Variants in CHPF2 observed in about 807,000 individuals in gnomAD.
CHPF2 encodes the protein chondroitin polymerizing factor 2, also known as chondroitin polymerizing factor 2, non-catalytic subunit.
CHPF2 carries 58 observed loss-of-function variants against 63.0 expected under a neutral mutation model. The ratio of observed to expected loss-of-function variants is 0.92; its 90% CI spans 0.75 to 1.15. The LOEUF is 1.15. Ranked by LOEUF, CHPF2 falls within the 50% of genes most tolerant of loss-of-function variation. The pLI is 0.00. For missense variants in CHPF2, 1,045 were observed against 1,035.4 expected, an observed-to-expected ratio of 1.01 and a Z score of -0.13; for synonymous variants, 442 against 438.0, an observed-to-expected ratio of 1.01 and a Z score of -0.11.
Position 151,236,512 on chromosome 7 carries a change from T to C in CHPF2, c.933T>C (p.Gly311=), listed in dbSNP as rs1019942431. The stretch of plus-strand genomic sequence containing the variant: ...TCGCCGTGCACCCTGTCTCCGAAGG[T>C]ACCCTCATGTACCGGCTCCACAAAC... ...SAFAVHPVSE[G]TLMYRLHKRF... is the part of the protein sequence containing the mutation. Residue 311 remains glycine, a synonymous_variant, in exon 3 of 4, where the codon GGT becomes GGC. Coordinates refer to ENST00000035307, the MANE Select transcript of CHPF2 (RefSeq NM_019015.3). 6.2e-7 allele frequency: 1 copy of C among 1,610,458 alleles called. No homozygotes were observed. The highest frequency in any genetic ancestry group is 8.5e-7 in the Non-Finnish European group (1 of 1,177,160).
At position 151,233,611 on chromosome 7, in the gene CHPF2, C is replaced by G; in HGVS notation, c.-401C>G. The G allele has an allele frequency of 4.0e-6, 4 of 994,108 alleles. No individual in the cohort carries two copies. The highest frequency in any genetic ancestry group is 4.8e-6 in the Non-Finnish European group (4 of 836,078). 61.6% of individuals were successfully genotyped at this position (994,108 alleles called of 1,614,324 possible). On this transcript the variant is annotated 5_prime_UTR_variant, in exon 1 of 4. Coordinates refer to ENST00000035307, the MANE Select transcript of CHPF2 (RefSeq NM_019015.3). ...TGTGCTTTTCCCTTACCTCTTATCACTTGCTGTCATCTGTTGACTTAGGCC... is the reference window on the plus strand; with the variant it reads ...TGTGCTTTTCCCTTACCTCTTATCAGTTGCTGTCATCTGTTGACTTAGGCC...
chr7:151,232,794 G>C lies in CHPF2; in HGVS notation c.-1218G>C. 6.7e-7 allele frequency: 1 copy of C among 1,501,436 alleles called. No individual in the cohort carries two copies. 93.0% of individuals were successfully genotyped at this position (1,501,436 alleles called of 1,614,324 possible). Reference sequence around the variant, plus strand: ...TGTCTCTGGCGCGGCCTCCGCTCCCGCCGACTGGCCTGAGAACGAGGTCTG... The same window carrying C: ...TGTCTCTGGCGCGGCCTCCGCTCCCCCCGACTGGCCTGAGAACGAGGTCTG... On this transcript the variant is annotated 5_prime_UTR_variant, in exon 1 of 4. Transcript: ENST00000035307.
Position 151,237,942 on chromosome 7 carries a change from T to G in CHPF2, c.1580T>G (p.Leu527Arg). Reference sequence around the variant, plus strand: ...GAACATGCATTGCTCACCCTGTTGCTGGTCTACGGGCCACGAGAAGGTGGC... The same window carrying G: ...GAACATGCATTGCTCACCCTGTTGCGGGTCTACGGGCCACGAGAAGGTGGC... ...PREHALLTLL[L>R]VYGPREGGRG... is the part of the protein sequence containing the mutation. The change falls in exon 4 of 4, where the codon CTG (leucine) becomes CGG (arginine). Residue 527 changes from leucine (L) to arginine (R), a missense_variant. Physicochemically the swap from Leu to Arg is moderately radical, Grantham distance 102. Coordinates refer to ENST00000035307, the MANE Select transcript of CHPF2 (RefSeq NM_019015.3). 1 of 1,613,112 alleles carries G rather than the reference T, an allele frequency of 6.2e-7. No individual in the cohort carries two copies. The highest frequency in any genetic ancestry group is 8.5e-7 in the Non-Finnish European group (1 of 1,180,034).
At position 151,238,735 on chromosome 7, in the gene CHPF2, G is replaced by A; in HGVS notation, c.*54G>A. On this transcript the variant is annotated 3_prime_UTR_variant, in exon 4 of 4. Coordinates refer to ENST00000035307, the MANE Select transcript of CHPF2 (RefSeq NM_019015.3). ...TTTCCTTTGTCTGCCTCAGCCCCAG[G>A]AAGGGCAAGGCAAGATGGTGGACAG... The A allele has an allele frequency of 6.2e-7, 1 of 1,601,442 alleles. No individual in the cohort carries two copies. Among genetic ancestry groups the A allele is most frequent in the South Asian group, 1.1e-5 (1 of 89,454 alleles).
rs367585688 is a variant in CHPF2 at position 151,237,511 on chromosome 7, C to T, written c.1149C>T (p.Thr383=). ...GGGACTACTTCACAGAGCAGCACAC[C>T]TTCTCCTGTGCAGATGGGGCTCCCA... ...LGWDYFTEQH[T]FSCADGAPKC... The change falls in exon 4 of 4, where the codon ACC becomes ACT. Residue 383 remains threonine (T), a synonymous_variant. Coordinates refer to ENST00000035307, the MANE Select transcript of CHPF2 (RefSeq NM_019015.3). 49 of 1,613,854 alleles carry T rather than the reference C, an allele frequency of 3.0e-5. No individual in the cohort carries two copies. The Admixed American group carries it at 3.3e-4, about 11-fold the overall frequency.
In CHPF2 at chr7:151,233,615, C is replaced by T; in HGVS notation, c.-397C>T. Reference sequence around the variant, plus strand: ...CTTTTCCCTTACCTCTTATCACTTGCTGTCATCTGTTGACTTAGGCCCAGT... The same window carrying T: ...CTTTTCCCTTACCTCTTATCACTTGTTGTCATCTGTTGACTTAGGCCCAGT... On this transcript the variant is annotated 5_prime_UTR_variant, in exon 1 of 4. Coordinates refer to ENST00000035307, the MANE Select transcript of CHPF2 (RefSeq NM_019015.3). 1 of 995,774 alleles carries T rather than the reference C, an allele frequency of 1.0e-6. No homozygotes were observed. Among genetic ancestry groups the T allele is most frequent in the Non-Finnish European group, 1.2e-6 (1 of 837,222 alleles). 61.7% of individuals were successfully genotyped at this position (995,774 alleles called of 1,614,324 possible).
chr7:151,237,872 C>T lies in CHPF2; in HGVS notation c.1510C>T (p.Pro504Ser). The T allele has an allele frequency of 6.2e-7, 1 of 1,612,746 alleles. No homozygotes were observed. The highest frequency in any genetic ancestry group is 1.1e-5 in the South Asian group (1 of 91,086). ...PLLVAEAAAAPAFLEAFAANV... is the reference protein window; with the variant it reads ...PLLVAEAAAASAFLEAFAANV... Reference sequence around the variant, plus strand: ...CCTGGTGGCTGAAGCTGCTGCAGCCCCGGCTTTCCTCGAGGCCTTTGCAGC... The same window carrying T: ...CCTGGTGGCTGAAGCTGCTGCAGCCTCGGCTTTCCTCGAGGCCTTTGCAGC... The change falls in exon 4 of 4, where the codon CCG becomes TCG. Residue 504 changes from proline to serine, a missense_variant. Transcript: ENST00000035307.
In CHPF2 at chr7:151,235,509, A is replaced by G; in HGVS notation, c.725A>G (p.His242Arg). ...SRSLLLRLRP[H>R]LDGCRGDILS... is the part of the protein sequence containing the mutation. ...AGTCTCCTGCTTCGTCTGCGGCCAC[A>G]TCTGGATGGCTGCCGAGGAGACATT... Residue 242 changes from histidine to arginine, a missense_variant, in exon 2 of 4, where the codon CAT becomes CGT. Coordinates refer to ENST00000035307, the MANE Select transcript of CHPF2 (RefSeq NM_019015.3). 1.2e-6 allele frequency: 2 copies of G among 1,611,526 alleles called. No homozygotes were observed. The highest frequency in any genetic ancestry group is 1.7e-6 in the Non-Finnish European group (2 of 1,180,000).
rs1170620217 is a variant in CHPF2 at position 151,235,662 on chromosome 7, T to G, written c.828+50T>G. On this transcript the variant is annotated intron_variant, in intron 2 of 3. Transcript: ENST00000035307. ...CAGTCCCTGATAAGCTAGTGGGGGATGAGTGATTGGCCTTCCTCCCAGCAG... is the reference window on the plus strand; with the variant it reads ...CAGTCCCTGATAAGCTAGTGGGGGAGGAGTGATTGGCCTTCCTCCCAGCAG... The G allele has an allele frequency of 3.3e-6, 5 of 1,499,942 alleles. No homozygotes were observed. The African/African-American group carries it at 6.9e-5, about 21-fold the overall frequency. The allele number at this position is 1,499,942 out of a possible 1,614,324, so 92.9% of individuals were successfully genotyped here. A position where few individuals can be genotyped will look rare whatever the true frequency, so the allele number is the denominator to read the frequency against.
chr7:151,233,930 C>T lies in CHPF2; in HGVS notation c.-82C>T. ...CAGGTTCTCTGGTTAAAACTGAAAGCCTACTACTGGCCTGGTGCCCATCAA... is the reference window on the plus strand; with the variant it reads ...CAGGTTCTCTGGTTAAAACTGAAAGTCTACTACTGGCCTGGTGCCCATCAA... On this transcript the variant is annotated 5_prime_UTR_variant, in exon 1 of 4. Transcript: ENST00000035307. 7.1e-7 allele frequency: 1 copy of T among 1,414,508 alleles called. No individual in the cohort carries two copies. The highest frequency in any genetic ancestry group is 9.2e-7 in the Non-Finnish European group (1 of 1,086,116). The allele number at this position is 1,414,508 out of a possible 1,614,324, so 87.6% of individuals were successfully genotyped here. A position where few individuals can be genotyped will look rare whatever the true frequency, so the allele number is the denominator to read the frequency against.
intron 1 of CHPF2, among the ~76,000 whole-genome samples, chr7:151,234,770 C>A (rs1460483198): frequency 6.6e-6 from 1 of 152,118 alleles, no homozygotes; most frequent in African/African-American, 2.4e-5. Context: ...GGATTACAGG[C>A]GTGAGCTACC....
rs1045899690 is a variant in CHPF2 at position 151,232,494 on chromosome 7, C to A, written c.-1518C>A. The stretch of plus-strand genomic sequence containing the variant: ...TGACAGGCAGCGGAAGAGGAAGCTG[C>A]GGACAGGGGCTGTGAGGTGGCAGCG... On this transcript the variant is annotated 5_prime_UTR_variant, in exon 1 of 4. Transcript: ENST00000035307. 4.2e-6 allele frequency: 2 copies of A among 476,892 alleles called. No homozygotes were observed. Among genetic ancestry groups the A allele is most frequent in the Non-Finnish European group, 7.4e-6 (2 of 269,236 alleles). The allele number at this position is 476,892 out of a possible 1,614,324, so 29.5% of individuals were successfully genotyped here. A position where few individuals can be genotyped will look rare whatever the true frequency, so the allele number is the denominator to read the frequency against.
Position 151,235,594 on chromosome 7 carries a change from CTG to C in CHPF2, c.814_815del (p.Val272LeufsTer12), listed in dbSNP as rs746292017. 6.9e-6 allele frequency: 11 copies of C among 1,604,954 alleles called. No individual in the cohort carries two copies. The highest frequency in any genetic ancestry group is 9.3e-6 in the Non-Finnish European group (11 of 1,177,220). ...RCLIDSLGVGCVSQHQGQQYR... is the reference protein window; with the variant it reads ...RCLIDSLGVGXVSQHQGQQYR... ...GCCTCATTGACTCTCTGGGCGTCGG[CTG>C]TGTCTCACAGCACCAGGTGACAGCT... On this transcript the variant is annotated frameshift_variant, in exon 2 of 4. Transcript: ENST00000035307. LOFTEE classifies it high-confidence loss of function.
Position 151,238,668 on chromosome 7 carries a change from C to T in CHPF2, c.2306C>T (p.Ala769Val), listed in dbSNP as rs1238841122. 1 of 1,610,156 alleles carries T rather than the reference C, an allele frequency of 6.2e-7. No individual in the cohort carries two copies. The highest frequency in any genetic ancestry group is 8.5e-7 in the Non-Finnish European group (1 of 1,178,512). Residue 769 changes from alanine (A) to valine (V), a missense_variant, in exon 4 of 4, where the codon GCC becomes GTC. Physicochemically the swap from Ala to Val is moderately conservative, Grantham distance 64. Coordinates refer to ENST00000035307, the MANE Select transcript of CHPF2 (RefSeq NM_019015.3). ...LAMALFEQEQ[A>V]NST is the part of the protein sequence containing the mutation. ...ATGGCTCTCTTTGAGCAGGAGCAGG[C>T]CAATAGCACTTAGCCCGCCTGGGGG...
At position 151,234,251 on chromosome 7, in the gene CHPF2, C is replaced by A. The variant is rs373854872; in HGVS notation, c.240C>A (p.Asn80Lys). 20 of 1,599,096 alleles carry A rather than the reference C, an allele frequency of 1.3e-5. No individual in the cohort carries two copies. The African/African-American group carries it at 2.6e-4, about 20-fold the overall frequency. ...PRIVPYYRDPNKPYKKVLRTR... is the reference protein window; with the variant it reads ...PRIVPYYRDPKKPYKKVLRTR... ...TTGTCCCCTACTACAGGGACCCCAA[C>A]AAGCCCTACAAGAAGGTGCTCAGGT... Residue 80 changes from asparagine to lysine, a missense_variant, in exon 1 of 4, where the codon AAC (asparagine) becomes AAA (lysine). Asn to Lys is a moderately conservative substitution (Grantham distance 94, BLOSUM62 0). Transcript: ENST00000035307.
rs1017637450 is a variant in CHPF2, at chr7:151,237,496, C to T, written c.1134C>T (p.Phe378=). The T allele has an allele frequency of 6.2e-7, 1 of 1,614,050 alleles. No homozygotes were observed. The highest frequency in any genetic ancestry group is 8.5e-7 in the Non-Finnish European group (1 of 1,180,032). ...TTGAGGTGCTGGGCTGGGACTACTT[C>T]ACAGAGCAGCACACCTTCTCCTGTG... ...SRFEVLGWDY[F]TEQHTFSCAD... Residue 378 remains phenylalanine (F), a synonymous_variant, in exon 4 of 4, where the codon TTC becomes TTT. Transcript: ENST00000035307.
intron 1 of CHPF2, among the ~76,000 whole-genome samples, chr7:151,234,527 C>T (rs1426963974): frequency 6.6e-6 from 1 of 152,036 alleles, no homozygotes; most frequent in Non-Finnish European, 1.5e-5. Context: ...GTCTTGCTCT[C>T]GTCGCCCAGG....
rs754410084 is a variant in CHPF2, at chr7:151,238,568, C to T, written c.2206C>T (p.Arg736Trp). 5.0e-6 allele frequency: 8 copies of T among 1,612,844 alleles called. No homozygotes were observed. The highest frequency in any genetic ancestry group is 2.2e-5 in the East Asian group (1 of 44,836). Reference protein sequence around the residue: ...QKFSLRDCSPRLSEELYHRCR... With the variant: ...QKFSLRDCSPWLSEELYHRCR... ...GTTCTCCCTGCGAGACTGCAGCCCA[C>T]GGCTCAGTGAAGAACTCTACCACCG... The change falls in exon 4 of 4, where the codon CGG becomes TGG. Residue 736 changes from arginine to tryptophan, a missense_variant. Transcript: ENST00000035307.
Position 151,235,499 on chromosome 7 carries a change from C to T in CHPF2, c.715C>T (p.Leu239=). Residue 239 remains leucine (L), a synonymous_variant, in exon 2 of 4, where the codon CTG becomes TTG. Transcript: ENST00000035307. ...YLLSRSLLLR[L]RPHLDGCRGD... ...GTTGTCACGGAGTCTCCTGCTTCGT[C>T]TGCGGCCACATCTGGATGGCTGCCG... 6.2e-7 allele frequency: 1 copy of T among 1,611,562 alleles called. No homozygotes were observed. Among genetic ancestry groups the T allele is most frequent in the South Asian group, 1.1e-5 (1 of 91,090 alleles).
Sources: allele counts gnomAD v4.1 joint callset (sites outside exome capture counted in the v4.1 genomes callset), GRCh38; gene constraint gnomAD v4.1.1; transcripts MANE v1.5; gene names NCBI Gene and HGNC (gene_info 2026-07-23, HGNC 2026-07-21).